The following IFT80 variants were observed in gnomAD, a reference collection of about 807,000 sequenced individuals.
IFT80 encodes intraflagellar transport protein 80 homolog.
A neutral mutation model predicts 107.9 loss-of-function variants in IFT80; 79 were observed. The observed-to-expected ratio is 0.73, with a 90% CI of 0.61 to 0.88. The LOEUF (loss-of-function observed/expected upper bound fraction) is 0.88. Ranked by LOEUF, IFT80 falls within the 40% of genes least tolerant of loss-of-function variation. The pLI, the probability that IFT80 is intolerant of heterozygous loss-of-function variation, is 0.00. For missense variants in IFT80, 797 were observed against 914.2 expected, an observed-to-expected ratio of 0.87 and a Z score of 1.65; for synonymous variants, 299 against 300.9, an observed-to-expected ratio of 0.99 and a Z score of 0.07.
chr3:160,356,046 C>A lies in IFT80; in HGVS notation c.744G>T (p.Ser248=), dbSNP rs779731718. ...TATCACACAAGCGTAAAGTATGAAA[C>A]GATCCAACAGCAAATAATTCTCCAT... The part of the protein sequence containing the change: ...APDGELFAVG[S]FHTLRLCDKT... Residue 248 remains serine (S), a synonymous_variant, in exon 8 of 20, where the codon TCG becomes TCT. Coordinates refer to ENST00000326448, the MANE Select transcript of IFT80 (RefSeq NM_020800.3). 16 of 1,613,936 alleles carry A rather than the reference C, an allele frequency of 9.9e-6. No individual in the cohort carries two copies. Among genetic ancestry groups the A allele is most frequent in the African/African-American group, 1.3e-5 (1 of 74,918 alleles).
intron 3 of IFT80, among the ~76,000 whole-genome samples, chr3:160,379,406 G>C (rs557152991): frequency 9.9e-5 from 15 of 152,136 alleles, no homozygotes; most frequent in Admixed American, 2.0e-4. Flanking sequence ...TTAGATAATA[G>C]CATTGCATCA....
rs1712493983 is a variant in IFT80, at chr3:160,258,012, C to A, written c.*513G>T. The A allele has an allele frequency of 5.9e-6, 1 of 170,212 alleles. No homozygotes were observed. The highest frequency in any genetic ancestry group is 1.3e-5 in the Non-Finnish European group (1 of 79,146). The allele number at this position is 170,212 out of a possible 1,614,324, so 10.5% of individuals were successfully genotyped here. On this transcript the variant is annotated 3_prime_UTR_variant, in exon 20 of 20. Coordinates refer to ENST00000326448, the MANE Select transcript of IFT80 (RefSeq NM_020800.3). ...TATCCATTCATGATAGACACTTGAGCTGTTTCCATCTTTTGCTATTCCAGT... is the reference window on the plus strand; with the variant it reads ...TATCCATTCATGATAGACACTTGAGATGTTTCCATCTTTTGCTATTCCAGT...
At chr3:160,370,421 G>A (rs954309771) in intron 5 of IFT80, among the ~76,000 whole-genome samples, 2 of 151,386 alleles carry the variant, frequency 1.3e-5, no homozygotes, top group African/African-American at 2.4e-5. Flanking sequence ...ATTCAAACAC[G>A]AAGAATGATT....
At chr3:160,264,720 G>A (rs1713155320) in intron 19 of IFT80, among the ~76,000 whole-genome samples, 4 of 151,744 alleles carry the variant, frequency 2.6e-5, no homozygotes, top group Admixed American at 6.6e-5. Flanking sequence ...GATTATGGGT[G>A]TGAGCCACCG....
intron 5 of IFT80, among the ~76,000 whole-genome samples, chr3:160,367,529 A>T (rs983637991): frequency 6.6e-6 from 1 of 152,008 alleles, no homozygotes; most frequent in Non-Finnish European, 1.5e-5. Context: ...CAAATGGCAA[A>T]TTTTTTTATA....
At chr3:160,299,362 A>T (rs2108264977) in intron 12 of IFT80, 1 of 373,554 alleles carries the variant, frequency 2.7e-6, no homozygotes. Context: ...ACTGAAAATT[A>T]AAAATTAGGA....
intron 8 of IFT80, among the ~76,000 whole-genome samples, chr3:160,345,193 T>C (rs62272191): frequency 0.046 from 6,928 of 152,150 alleles, 223 homozygotes; most frequent in Middle Eastern, 0.078. Context: ...TAAGTGTCCA[T>C]CAACAGACGA....
At chr3:160,323,768 A>C (rs534831047) in intron 8 of IFT80, among the ~76,000 whole-genome samples, 1 of 152,286 alleles carries the variant, frequency 6.6e-6, no homozygotes, top group South Asian at 2.1e-4. Context: ...GGCAAGAAAT[A>C]ACTAAAATCA....
intron 8 of IFT80, 46 bp from the exon 9 acceptor site, chr3:160,319,985 T>A (rs915586484): frequency 1.0e-5 from 15 of 1,492,114 alleles, no homozygotes; most frequent in African/African-American, 1.4e-5. Flanking sequence ...TGAAAAAAAA[T>A]TTTTAGGAAG....
intron 12 of IFT80, among the ~76,000 whole-genome samples, chr3:160,295,914 A>G (rs1042726838): frequency 6.6e-6 from 1 of 152,224 alleles, no homozygotes; most frequent in Non-Finnish European, 1.5e-5. Context: ...CAAATATTGC[A>G]TGATTCCACC....
intron 8 of IFT80, among the ~76,000 whole-genome samples, chr3:160,354,148 C>T (rs1720901026): frequency 6.6e-6 from 1 of 152,234 alleles, no homozygotes; most frequent in Middle Eastern, 3.4e-3. Flanking sequence ...AATGAGACTA[C>T]ACATTCTATA....
At chr3:160,316,430 G>A (rs1043176921) in intron 9 of IFT80, among the ~76,000 whole-genome samples, 4 of 152,142 alleles carry the variant, frequency 2.6e-5, no homozygotes, top group Middle Eastern at 3.2e-3. Context: ...GTTAAGCCAT[G>A]CCTGGATTCC....
intron 14 of IFT80, 85 bp from the exon 15 acceptor site, chr3:160,280,899 A>C: frequency 8.4e-7 from 1 of 1,191,204 alleles, no homozygotes; most frequent in South Asian, 1.3e-5. Context: ...GACAAACAAA[A>C]TCCCATACAA....
chr3:160,379,703 A>G (rs1576895627), intron 3 of IFT80, among the ~76,000 whole-genome samples: 2 of 152,204 alleles, frequency 1.3e-5, no homozygotes, highest in East Asian at 3.9e-4. Flanking sequence ...TGTAAATGCA[A>G]AATTATATCA....
In IFT80 at chr3:160,278,229, T is replaced by G. The variant is rs543885080; in HGVS notation, c.1837-559A>C. ...GCTTGCATGAGTGAATGCCAGTAGT[T>G]GTGCCCATAGCAATATGCTACCTGG... On this transcript the variant is annotated intron_variant, in intron 16 of 19. Transcript: ENST00000326448. 3.2e-4 allele frequency among the ~76,000 whole-genome samples: 48 copies of G among 152,358 alleles called. No individual in the cohort carries two copies. The South Asian group carries it at 9.5e-3, about 30-fold the overall frequency.
chr3:160,319,751 T>C lies in IFT80; in HGVS notation c.957+9A>G, dbSNP rs1718068899. On this transcript the variant is annotated intron_variant, in intron 9 of 19. Coordinates refer to ENST00000326448, the MANE Select transcript of IFT80 (RefSeq NM_020800.3). ...AGCAGGTTTAATCAACCTTGGAACA[T>C]AATAATACCTGCATGGCTCTTCTTT... The C allele has an allele frequency of 6.2e-7, 1 of 1,611,244 alleles. No homozygotes were observed. The highest frequency in any genetic ancestry group is 8.5e-7 in the Non-Finnish European group (1 of 1,177,766).
intron 5 of IFT80, among the ~76,000 whole-genome samples, chr3:160,368,561 T>G (rs992296140): frequency 6.6e-6 from 1 of 151,850 alleles, no homozygotes; most frequent in African/African-American, 2.4e-5. Flanking sequence ...CTGGGAATAT[T>G]CTCTGGGAGT....
At chr3:160,269,738 C>A (rs1713653395) in intron 18 of IFT80, among the ~76,000 whole-genome samples, 1 of 152,130 alleles carries the variant, frequency 6.6e-6, no homozygotes, top group Non-Finnish European at 1.5e-5. Flanking sequence ...GGGAACAATC[C>A]AGTGGACTAT....
intron 13 of IFT80, among the ~76,000 whole-genome samples, chr3:160,284,802 A>G (rs1714966655): frequency 6.6e-6 from 1 of 152,230 alleles, no homozygotes; most frequent in African/African-American, 2.4e-5. Context: ...TATTATATGA[A>G]AAAAGCAAAG....
Sources: gnomAD v4.1 joint callset for allele counts (sites outside exome capture counted in the v4.1 genomes callset) on GRCh38, gnomAD v4.1.1 for gene constraint, MANE v1.5 for transcripts, NCBI Gene and HGNC (gene_info 2026-07-23, HGNC 2026-07-21) for gene names.